Variants in NAV3 observed in about 807,000 individuals in gnomAD.
The protein encoded by NAV3 is pore membrane and/or filament interacting like protein 1.
A neutral mutation model predicts 244.7 loss-of-function variants in NAV3; 87 were observed. That is an observed-to-expected ratio of 0.36 (90% CI 0.30 to 0.42). NAV3 has a LOEUF of 0.42. Ranked by LOEUF, NAV3 falls within the 20% of genes least tolerant of loss-of-function variation. The pLI is 1.00. For missense variants in NAV3, 2,663 were observed against 2,893.3 expected, an observed-to-expected ratio of 0.92 and a Z score of 1.83; for synonymous variants, 1,126 against 1,042.2, an observed-to-expected ratio of 1.08 and a Z score of -1.55.
intron 24 of NAV3, among the ~76,000 whole-genome samples, chr12:78,171,074 AT>A (rs1957980619): frequency 6.6e-6 from 1 of 151,744 alleles, no homozygotes; most frequent in Non-Finnish European, 1.5e-5. Flanking sequence ...TTTTAAATGA[AT>A]TTCAATTTAA....
chr12:77,907,815 G>A (rs1257872949), intron 1 of NAV3, among the ~76,000 whole-genome samples: 1 of 152,064 alleles, frequency 6.6e-6, no homozygotes, highest in African/African-American at 2.4e-5. Context: ...CCACACATAT[G>A]TGATACTGAG....
At chr12:77,669,589 A>G (rs1262388509) in intron 2 of NAV3, among the ~76,000 whole-genome samples, 1 of 152,196 alleles carries the variant, frequency 6.6e-6, no homozygotes, top group Non-Finnish European at 1.5e-5. Context: ...AAGGAACAGC[A>G]GTTAAAAAAG....
intron 12 of NAV3, among the ~76,000 whole-genome samples, chr12:78,112,040 G>A (rs1955119615): frequency 6.6e-6 from 1 of 152,172 alleles, no homozygotes; most frequent in Non-Finnish European, 1.5e-5. Context: ...CATTTATTGG[G>A]ATGATTAGAA....
At chr12:78,028,200 G>A (rs898255859) in intron 9 of NAV3, among the ~76,000 whole-genome samples, 1 of 152,154 alleles carries the variant, frequency 6.6e-6, no homozygotes, top group African/African-American at 2.4e-5. Context: ...TGTATTGAAA[G>A]AGTGGATCCA....
chr12:77,644,692 C>T (rs1377438841), intron 2 of NAV3, among the ~76,000 whole-genome samples: 2 of 151,930 alleles, frequency 1.3e-5, no homozygotes, highest in African/African-American at 2.4e-5. Context: ...GAATTTTTGA[C>T]GTGGGGCATG....
rs767612169 is a variant in NAV3, at chr12:77,831,521, GCATACTGCTCTTCCGATA to G, written c.62_79del (p.His21_Ile26del). 6.2e-7 allele frequency: 1 copy of G among 1,613,978 alleles called. No homozygotes were observed. Among genetic ancestry groups the G allele is most frequent in the Middle Eastern group, 1.6e-4 (1 of 6,062 alleles). On this transcript the variant is annotated inframe_deletion, in exon 1 of 40. Transcript: ENST00000397909. The stretch of plus-strand genomic sequence containing the variant: ...AGCCAGCTGTTGGGTCAAAGCCTGT[GCATACTGCTCTTCCGATA>G]CCAAATCTTGGCACTACTGGGTCAC...
chr12:78,034,822 C>T (rs1879581320), intron 9 of NAV3, among the ~76,000 whole-genome samples: 1 of 152,112 alleles, frequency 6.6e-6, no homozygotes, highest in Admixed American at 6.5e-5. Context: ...TTTTGGTCTT[C>T]CAAAAAATAC....
intron 6 of NAV3, among the ~76,000 whole-genome samples, chr12:77,996,980 C>T (rs559069002): frequency 2.0e-5 from 3 of 152,164 alleles, no homozygotes; most frequent in East Asian, 1.9e-4. Flanking sequence ...CGGTGGCTCA[C>T]GCCTGTAATC....
In NAV3 at chr12:78,095,112, T is replaced by TAC. The variant is rs1399239424; in HGVS notation, c.2637-21656_2637-21655dup. On this transcript the variant is annotated intron_variant, in intron 12 of 39. Transcript: ENST00000397909. ...ACATATATATATACACATATATATA[T>TAC]ACACATACATATGTATATACATACG... Among the ~76,000 whole-genome samples, 7 of 150,452 alleles carry TAC rather than the reference T, an allele frequency of 4.7e-5. No homozygotes were observed. The Admixed American group carries it at 4.7e-4, about 10-fold the overall frequency.
At chr12:78,096,765 G>C in intron 12 of NAV3, among the ~76,000 whole-genome samples, 1 of 152,084 alleles carries the variant, frequency 6.6e-6, no homozygotes, top group East Asian at 1.9e-4. Flanking sequence ...GATGAGATTT[G>C]GGTGGGGATA....
intron 9 of NAV3, chr12:78,037,486 A>G (rs1338759247): frequency 3.4e-6 from 2 of 596,584 alleles, no homozygotes; most frequent in Non-Finnish European, 6.0e-6. Context: ...TCATGTTTTT[A>G]GACTGATTTT....
intron 1 of NAV3, among the ~76,000 whole-genome samples, chr12:77,914,192 C>A (rs917444562): frequency 6.6e-6 from 1 of 152,082 alleles, no homozygotes; most frequent in Non-Finnish European, 1.5e-5. Flanking sequence ...AAGAGAGAAT[C>A]ATCTCACAAT....
chr12:78,162,733 G>C (rs1332880788), intron 23 of NAV3, among the ~76,000 whole-genome samples: 1 of 150,596 alleles, frequency 6.6e-6, no homozygotes, highest in African/African-American at 2.4e-5. Flanking sequence ...CTGGTGGTGG[G>C]CACCTGTAGT....
In NAV3 at chr12:77,788,791, AAG is replaced by A. The variant is rs1871029689; in HGVS notation, c.73-151526_73-151525del. ...TAAGACACAGTAATTGAGATTCCAA[AAG>A]ATTAAGTACTTGTACTAGGTTAAAA... On this transcript the variant is annotated intron_variant, in intron 2 of 8. Transcript: ENST00000550042. Among the ~76,000 whole-genome samples the A allele has an allele frequency of 2.0e-5, 3 of 152,268 alleles. No individual in the cohort carries two copies. The South Asian group carries it at 6.2e-4, about 32-fold the overall frequency.
chr12:78,059,503 G>T (rs772430467), intron 12 of NAV3, among the ~76,000 whole-genome samples: 2 of 152,010 alleles, frequency 1.3e-5, no homozygotes, highest in Non-Finnish European at 2.9e-5. Flanking sequence ...TGGTCAGGAT[G>T]GTCTCCATCT....
intron 21 of NAV3, among the ~76,000 whole-genome samples, chr12:78,146,731 C>G (rs1956879217): frequency 6.6e-6 from 1 of 151,332 alleles, no homozygotes; most frequent in African/African-American, 2.4e-5. Flanking sequence ...CCCTGTAAGA[C>G]CATCTACACA....
intron 1 of NAV3, among the ~76,000 whole-genome samples, chr12:77,904,942 A>G (rs1276432018): frequency 6.7e-6 from 1 of 149,446 alleles, no homozygotes; most frequent in Non-Finnish European, 1.5e-5. Flanking sequence ...AATTTGAGGA[A>G]GTATCTTATT....
At chr12:77,751,429 G>C (rs528126980) in intron 2 of NAV3, among the ~76,000 whole-genome samples, 59 of 152,282 alleles carry the variant, frequency 3.9e-4, no homozygotes, top group Non-Finnish European at 6.6e-4. Flanking sequence ...GAGAGATCTG[G>C]TGGGAGGTAA....
intron 13 of NAV3, 79 bp downstream of exon 13, chr12:78,116,983 A>G (rs1955415077): frequency 4.1e-6 from 6 of 1,469,206 alleles, no homozygotes; most frequent in Non-Finnish European, 5.6e-6. Context: ...ATTAAGGTAT[A>G]GCACAAGCCC....
Sources: gnomAD v4.1 joint callset for allele counts (sites outside exome capture counted in the v4.1 genomes callset) on GRCh38, gnomAD v4.1.1 for gene constraint, MANE v1.5 for transcripts, NCBI Gene and HGNC (gene_info 2026-07-23, HGNC 2026-07-21) for gene names.